Variants in RPS6KC1 observed in about 807,000 individuals in gnomAD.
The protein encoded by RPS6KC1 is inactive ribosomal protein S6 kinase delta-1.
A neutral mutation model predicts 103.8 loss-of-function variants in RPS6KC1; 54 were observed. The ratio of observed to expected loss-of-function variants is 0.52; its 90% CI spans 0.42 to 0.65. The LOEUF is 0.65. Ranked by LOEUF, RPS6KC1 falls within the 30% of genes least tolerant of loss-of-function variation. RPS6KC1 has a pLI of 0.00. For synonymous variants in RPS6KC1, 439 were observed against 438.7 expected (o/e 1.00, Z -0.01); for missense variants, 1,151 against 1,253.8 (o/e 0.92, Z 1.24).
intron 14 of RPS6KC1, among the ~76,000 whole-genome samples, chr1:213,271,566 C>A (rs1043459480): frequency 3.9e-5 from 6 of 152,062 alleles, no homozygotes; most frequent in Non-Finnish European, 8.8e-5. Context: ...GAGATCGAGA[C>A]CATCCTGGCT....
intron 1 of RPS6KC1, among the ~76,000 whole-genome samples, chr1:213,066,792 C>G (rs1572300811): frequency 6.6e-6 from 1 of 152,178 alleles, no homozygotes; most frequent in African/African-American, 2.4e-5. Flanking sequence ...GATGAGAGGT[C>G]TGGCATCTCA....
the RPS6KC1 span, among the ~76,000 whole-genome samples, chr1:213,837,965 A>G: frequency 1.3e-5 from 2 of 152,068 alleles, no homozygotes; most frequent in Non-Finnish European, 2.9e-5. Context: ...AACCCAATGA[A>G]TTGTCAGTAA....
At chr1:213,628,168 G>A in the RPS6KC1 span, among the ~76,000 whole-genome samples, 1 of 152,140 alleles carries the variant, frequency 6.6e-6, no homozygotes, top group African/African-American at 2.4e-5. Context: ...ATGTGTCGAG[G>A]AATTTATCCA....
chr1:213,688,209 G>A, the RPS6KC1 span, among the ~76,000 whole-genome samples: 5 of 152,094 alleles, frequency 3.3e-5, no homozygotes, highest in East Asian at 1.9e-4. Context: ...TTCTTCCTCC[G>A]TCTCGGTCTG....
the RPS6KC1 span, among the ~76,000 whole-genome samples, chr1:213,829,146 C>G: frequency 6.6e-6 from 1 of 151,884 alleles, no homozygotes; most frequent in Non-Finnish European, 1.5e-5. Flanking sequence ...TCCATTCCAG[C>G]TGTCTCCATT....
chr1:213,680,705 T>G, the RPS6KC1 span, among the ~76,000 whole-genome samples: 1 of 152,324 alleles, frequency 6.6e-6, no homozygotes, highest in South Asian at 2.1e-4. Context: ...GATTTTGGAC[T>G]GAATATATCT....
chr1:213,795,779 C>T, the RPS6KC1 span, among the ~76,000 whole-genome samples: 1 of 152,062 alleles, frequency 6.6e-6, no homozygotes, highest in East Asian at 1.9e-4. Context: ...TTATTTTTCT[C>T]TTCTTACTCT....
At chr1:213,374,270 CA>C in the RPS6KC1 span, among the ~76,000 whole-genome samples, 2 of 152,206 alleles carry the variant, frequency 1.3e-5, no homozygotes, top group East Asian at 3.8e-4. Context: ...GTGAGATTCA[CA>C]GTGTTCATTA....
chr1:213,146,671 C>T (rs192821599), intron 6 of RPS6KC1, among the ~76,000 whole-genome samples: 145 of 151,856 alleles, frequency 9.5e-4, no homozygotes, highest in African/African-American at 2.5e-3. Flanking sequence ...GTGATCTGCC[C>T]ACGTCGGCCT....
intron 6 of RPS6KC1, 129 bp downstream of exon 6, chr1:213,130,018 A>G: frequency 2.2e-6 from 2 of 890,390 alleles, no homozygotes; most frequent in South Asian, 1.9e-5. Context: ...CTGAAGCTTA[A>G]AAGACCTATA....
At chr1:213,652,041 A>G in the RPS6KC1 span, among the ~76,000 whole-genome samples, 43 of 152,290 alleles carry the variant, frequency 2.8e-4, no homozygotes, top group Non-Finnish European at 5.1e-4. Context: ...ATTGCTTTTA[A>G]TTTGTGCTAT....
In RPS6KC1 at chr1:213,051,445, T is replaced by C. The variant is rs1160102378; in HGVS notation, c.41T>C (p.Phe14Ser). ...GAGCGGAGTGCCGACCTGGCCCGTT[T>C]CTACACTGTCACCGAGCCCCAGCGA... Reference protein sequence around the residue: ...YRERSADLARFYTVTEPQRHP... With the variant: ...YRERSADLARSYTVTEPQRHP... Residue 14 changes from phenylalanine to serine, a missense_variant, in exon 1 of 15, where the codon TTC becomes TCC. Physicochemically the swap from Phe to Ser is radical, Grantham distance 155. Around this residue, in one of 3 missense-constraint regions of RPS6KC1, gnomAD observed 959 missense variants for 1,006.3 expected, o/e 0.95. Coordinates refer to ENST00000366960, the MANE Select transcript of RPS6KC1 (RefSeq NM_012424.6). The C allele has an allele frequency of 1.4e-5, 23 of 1,613,804 alleles. No individual in the cohort carries two copies. The East Asian group carries it at 5.1e-4, about 36-fold the overall frequency.
intron 6 of RPS6KC1, among the ~76,000 whole-genome samples, chr1:213,140,980 T>C (rs2086961731): frequency 6.7e-6 from 1 of 149,608 alleles, no homozygotes; most frequent in Middle Eastern, 3.4e-3. Context: ...CACTGCAACC[T>C]CCCCCTCCCG....
chr1:213,360,902 T>C, the RPS6KC1 span, among the ~76,000 whole-genome samples: 1 of 152,208 alleles, frequency 6.6e-6, no homozygotes, highest in Non-Finnish European at 1.5e-5. Context: ...TGTTGCTGTC[T>C]GATCATTTCT....
chr1:213,096,445 T>A (rs1256567666), intron 3 of RPS6KC1, among the ~76,000 whole-genome samples: 1 of 152,050 alleles, frequency 6.6e-6, no homozygotes, highest in African/African-American at 2.4e-5. Flanking sequence ...TCCCAACACT[T>A]TGGGAGGGCA....
intron 8 of RPS6KC1, among the ~76,000 whole-genome samples, chr1:213,186,081 C>T (rs1354962125): frequency 6.6e-6 from 1 of 151,432 alleles, no homozygotes; most frequent in Non-Finnish European, 1.5e-5. Context: ...TCTATATTAC[C>T]TGATTTGATA....
chr1:213,542,171 C>T, the RPS6KC1 span, among the ~76,000 whole-genome samples: 6 of 152,284 alleles, frequency 3.9e-5, no homozygotes, highest in East Asian at 5.8e-4. Context: ...AGCAAGTCTA[C>T]GGGAGGCATT....
chr1:213,440,219 G>A, the RPS6KC1 span, among the ~76,000 whole-genome samples: 16 of 152,096 alleles, frequency 1.1e-4, no homozygotes, highest in African/African-American at 3.6e-4. Flanking sequence ...AATGCCAGCC[G>A]CAGCTGGCAA....
At chr1:213,812,640 G>A in the RPS6KC1 span, among the ~76,000 whole-genome samples, 1 of 152,158 alleles carries the variant, frequency 6.6e-6, no homozygotes, top group Non-Finnish European at 1.5e-5. Flanking sequence ...AGTTGTGTGT[G>A]TTAAAGAGAT....
Sources: gnomAD v4.1 joint callset for allele counts (sites outside exome capture counted in the v4.1 genomes callset) on GRCh38, gnomAD v4.1.1 for gene constraint, gnomAD v4.1.1 regional missense constraint, MANE v1.5 for transcripts, NCBI Gene and HGNC (gene_info 2026-07-23, HGNC 2026-07-21) for gene names.